SLC44A5: variants seen among roughly 807,000 people sequenced by gnomAD.
SLC44A5 encodes choline transporter-like protein 5.
In SLC44A5, 57 loss-of-function variants were observed where a neutral mutation model predicts 101.8. The ratio of observed to expected loss-of-function variants is 0.56; its 90% CI spans 0.45 to 0.70. The LOEUF (loss-of-function observed/expected upper bound fraction) is 0.70. SLC44A5 is among the 30% of genes least tolerant of loss of function. SLC44A5 has a pLI of 0.00. For synonymous variants in SLC44A5, 281 were observed against 290.9 expected (o/e 0.97, Z 0.35); for missense variants, 737 against 853.1 (o/e 0.86, Z 1.70).
At chr1:75,548,122 A>G (rs1183790089) in intron 1 of SLC44A5, among the ~76,000 whole-genome samples, 2 of 152,116 alleles carry the variant, frequency 1.3e-5, no homozygotes, top group African/African-American at 2.4e-5. Flanking sequence ...TTTTCCATGA[A>G]CTTTTTGAAG....
the SLC44A5 span, among the ~76,000 whole-genome samples, chr1:75,675,545 AAATT>A: frequency 6.6e-6 from 1 of 152,328 alleles, no homozygotes; most frequent in East Asian, 1.9e-4. Context: ...CCTTATATAA[AAATT>A]AACTCAAGAT....
intron 2 of SLC44A5, among the ~76,000 whole-genome samples, chr1:75,537,027 AAAAAAAATAT>A (rs745888716): frequency 0.16 from 5,301 of 34,106 alleles, 528 homozygotes; most frequent in East Asian, 0.39. Context: ...AAAAAAAAAA[AAAAAAAATAT>A]ATATCTATGC....
At position 75,450,376 on chromosome 1, in the gene SLC44A5, T is replaced by A. The variant is rs147635191; in HGVS notation, c.14-53755A>T. On this transcript the variant is annotated intron_variant, in intron 2 of 23. Transcript: ENST00000370859. ...CAGACCCAGGGTTGAGAGCTAGATG[T>A]CATTTTTAATCTGGTCACATACAAA... is the stretch of plus-strand genomic sequence containing the variant. Among the ~76,000 whole-genome samples, 29 of 152,336 alleles carry A rather than the reference T, an allele frequency of 1.9e-4. No homozygotes were observed. The East Asian group carries it at 5.4e-3, about 28-fold the overall frequency.
chr1:75,610,582 G>A (rs554026840), intron 1 of SLC44A5, among the ~76,000 whole-genome samples: 8 of 152,178 alleles, frequency 5.3e-5, no homozygotes, highest in African/African-American at 1.7e-4. Flanking sequence ...TCTTTATGAT[G>A]TAGTTTTCTG....
intron 2 of SLC44A5, among the ~76,000 whole-genome samples, chr1:75,463,796 C>T (rs1666651603): frequency 6.6e-6 from 1 of 152,096 alleles, no homozygotes; most frequent in Admixed American, 6.6e-5. Flanking sequence ...ATAGTAAGTA[C>T]ACAGAAAAAC....
At chr1:75,471,868 C>A (rs901091747) in intron 2 of SLC44A5, among the ~76,000 whole-genome samples, 1 of 138,338 alleles carries the variant, frequency 7.2e-6, no homozygotes, top group Non-Finnish European at 1.6e-5. Flanking sequence ...GAACAAGGAA[C>A]CACTAAGGCT....
the SLC44A5 span, among the ~76,000 whole-genome samples, chr1:75,686,565 G>C: frequency 6.7e-3 from 1,020 of 152,334 alleles, 15 homozygotes; most frequent in Admixed American, 0.037. Flanking sequence ...AAAGAGGTAA[G>C]AAGGAGTCAG....
chr1:75,529,512 G>C (rs1670604887), intron 2 of SLC44A5, among the ~76,000 whole-genome samples: 1 of 152,120 alleles, frequency 6.6e-6, no homozygotes, highest in Non-Finnish European at 1.5e-5. Flanking sequence ...CCCAGTAAAT[G>C]CCATCTCCCA....
chr1:75,565,222 G>A (rs971476230), intron 1 of SLC44A5, among the ~76,000 whole-genome samples: 17 of 152,066 alleles, frequency 1.1e-4, no homozygotes, highest in African/African-American at 2.9e-4. Context: ...TATTTTCATC[G>A]GAATATTCTC....
At chr1:75,487,151 A>T (rs2101798989) in intron 2 of SLC44A5, among the ~76,000 whole-genome samples, 1 of 152,300 alleles carries the variant, frequency 6.6e-6, no homozygotes, top group East Asian at 1.9e-4. Context: ...CCTTGCTCCT[A>T]TGGAGTTTTC....
In SLC44A5 at chr1:75,459,396, C is replaced by T. The variant is rs1321932094; in HGVS notation, c.14-62775G>A. On this transcript the variant is annotated intron_variant, in intron 2 of 23. Transcript: ENST00000370859. The stretch of plus-strand genomic sequence containing the variant: ...TCTGAGCCTTGACAAATGTACATAG[C>T]TATGTAGCCACCAACATCATCAACA... Among the ~76,000 whole-genome samples, 5 of 152,138 alleles carry T rather than the reference C, an allele frequency of 3.3e-5. 1 individual carries two copies. The highest frequency in any genetic ancestry group is 1.2e-4 in the African/African-American group (5 of 41,422).
intron 2 of SLC44A5, among the ~76,000 whole-genome samples, chr1:75,498,457 T>C (rs555161570): frequency 1.9e-3 from 292 of 152,312 alleles, no homozygotes; most frequent in African/African-American, 6.8e-3. Context: ...TAACCTTATG[T>C]TGCATTCTTT....
intron 6 of SLC44A5, among the ~76,000 whole-genome samples, chr1:75,254,631 G>C (rs776872991): frequency 6.6e-6 from 1 of 152,072 alleles, no homozygotes; most frequent in African/African-American, 2.4e-5. Context: ...TTTTACAGGA[G>C]AGTTCAGCAA....
chr1:75,615,750 G>GA (rs1675851546), upstream of SLC44A5: 5 of 669,652 alleles, frequency 7.5e-6, no homozygotes, highest in African/African-American at 5.8e-5. Flanking sequence ...TCCCCGGCAG[G>GA]AGCCTTCCAC....
chr1:75,445,329 T>C (rs1403674793), intron 2 of SLC44A5, among the ~76,000 whole-genome samples: 3 of 152,124 alleles, frequency 2.0e-5, no homozygotes, highest in African/African-American at 4.8e-5. Context: ...AAAGGCATCC[T>C]TAGGCCTCAC....
At chr1:75,475,972 C>T (rs1331924614) in intron 2 of SLC44A5, among the ~76,000 whole-genome samples, 1 of 152,180 alleles carries the variant, frequency 6.6e-6, no homozygotes, top group Non-Finnish European at 1.5e-5. Context: ...ATCATGAGGT[C>T]AGGAGTTAAA....
At chr1:75,477,340 C>A (rs1557826782) in intron 2 of SLC44A5, among the ~76,000 whole-genome samples, 2 of 152,308 alleles carry the variant, frequency 1.3e-5, no homozygotes, top group Non-Finnish European at 2.9e-5. Context: ...CTCTAAGAAG[C>A]AGAGCGCCTC....
intron 2 of SLC44A5, among the ~76,000 whole-genome samples, chr1:75,505,357 T>G (rs2101852306): frequency 6.6e-6 from 1 of 152,272 alleles, no homozygotes; most frequent in East Asian, 1.9e-4. Flanking sequence ...GAATGATTTG[T>G]TTTTCTTTGG....
At chr1:75,620,407 A>G in the SLC44A5 span, among the ~76,000 whole-genome samples, 1 of 152,310 alleles carries the variant, frequency 6.6e-6, no homozygotes, top group Admixed American at 6.5e-5. Context: ...AGGAATCACC[A>G]CACTGTCTTC....
Sources: gnomAD v4.1 joint callset for allele counts (sites outside exome capture counted in the v4.1 genomes callset) on GRCh38, gnomAD v4.1.1 for gene constraint, MANE v1.5 for transcripts, NCBI Gene and HGNC (gene_info 2026-07-23, HGNC 2026-07-21) for gene names.